The following PHACTR1 variants were observed in gnomAD, a reference collection of about 807,000 sequenced individuals.
PHACTR1 encodes phosphatase and actin regulator 1, also known as RPEL repeat containing 1.
PHACTR1 carries 16 observed loss-of-function variants against 69.2 expected under a neutral mutation model. The observed-to-expected ratio is 0.23, with a 90% CI of 0.16 to 0.35. The LOEUF (loss-of-function observed/expected upper bound fraction) is 0.35. Among genes scored for constraint, PHACTR1 ranks in the 10% least tolerant of loss-of-function variants. The pLI is 1.00. For missense variants in PHACTR1, 510 were observed against 734.7 expected, an observed-to-expected ratio of 0.69 and a Z score of 3.54; for synonymous variants, 312 against 284.5, an observed-to-expected ratio of 1.10 and a Z score of -0.97.
At chr6:13,157,947 A>G (rs1259097527) in intron 5 of PHACTR1, among the ~76,000 whole-genome samples, 3 of 151,854 alleles carry the variant, frequency 2.0e-5, no homozygotes, top group South Asian at 4.2e-4. Flanking sequence ...CAGTGGCACA[A>G]TCTCGCTCAC....
At chr6:13,024,259 C>T (rs1428099171) in intron 4 of PHACTR1, among the ~76,000 whole-genome samples, 1 of 152,128 alleles carries the variant, frequency 6.6e-6, no homozygotes, top group Admixed American at 6.5e-5. Context: ...AGGGACCATC[C>T]CTCTCTGACA....
At chr6:13,175,768 G>A (rs918105622) in intron 6 of PHACTR1, among the ~76,000 whole-genome samples, 3 of 152,284 alleles carry the variant, frequency 2.0e-5, no homozygotes, top group Middle Eastern at 3.4e-3. Flanking sequence ...ACCATCTTCT[G>A]TCTCTGAGTT....
chr6:12,829,800 C>CA (rs35717093), intron 4 of PHACTR1, among the ~76,000 whole-genome samples: 15,736 of 138,398 alleles, frequency 0.11, 879 homozygotes, highest in Middle Eastern at 0.14. Context: ...ACTAAAAATA[C>CA]AAAAAAAAAA....
intron 5 of PHACTR1, among the ~76,000 whole-genome samples, chr6:13,058,855 G>A (rs1020834138): frequency 3.3e-5 from 5 of 152,130 alleles, no homozygotes; most frequent in Admixed American, 6.5e-5. Context: ...GCTGAGTGTC[G>A]TGCGGGTTGA....
chr6:12,967,816 T>C (rs1793676298), intron 4 of PHACTR1, among the ~76,000 whole-genome samples: 1 of 152,244 alleles, frequency 6.6e-6, no homozygotes, highest in African/African-American at 2.4e-5. Context: ...TCACTCCATA[T>C]GTTTCTGATT....
chr6:12,959,583 T>C (rs13194360), intron 4 of PHACTR1, among the ~76,000 whole-genome samples: 35,313 of 152,132 alleles, frequency 0.23, 5,182 homozygotes, highest in African/African-American at 0.41. Flanking sequence ...AAAACACTGC[T>C]TAAATAATTA....
At chr6:12,777,077 T>C (rs1210753633) in intron 4 of PHACTR1, among the ~76,000 whole-genome samples, 1 of 152,170 alleles carries the variant, frequency 6.6e-6, no homozygotes, top group East Asian at 1.9e-4. Context: ...ATAGCATCTA[T>C]GTTTAATATA....
At chr6:12,888,116 G>A (rs968231973) in intron 4 of PHACTR1, among the ~76,000 whole-genome samples, 1 of 150,410 alleles carries the variant, frequency 6.6e-6, no homozygotes, top group Non-Finnish European at 1.5e-5. Flanking sequence ...AGGTCTTTGG[G>A]GAAGTGATTA....
At chr6:13,122,031 C>T (rs1417169096) in intron 5 of PHACTR1, among the ~76,000 whole-genome samples, 1 of 152,018 alleles carries the variant, frequency 6.6e-6, no homozygotes, top group Non-Finnish European at 1.5e-5. Flanking sequence ...TATGACATGC[C>T]ACACATTTAT....
intron 11 of PHACTR1, among the ~76,000 whole-genome samples, chr6:13,276,386 G>A (rs1237676712): frequency 2.6e-5 from 4 of 152,256 alleles, no homozygotes; most frequent in African/African-American, 9.6e-5. Flanking sequence ...ACTTGTGCTA[G>A]TGGGAGGTAT....
chr6:13,175,475 T>G (rs1761197922), intron 6 of PHACTR1, among the ~76,000 whole-genome samples: 1 of 152,190 alleles, frequency 6.6e-6, no homozygotes. Context: ...GCTCTCCCTG[T>G]GCTCTGAGTC....
At chr6:12,895,386 T>C (rs1430194763) in intron 4 of PHACTR1, among the ~76,000 whole-genome samples, 1 of 152,108 alleles carries the variant, frequency 6.6e-6, no homozygotes, top group Non-Finnish European at 1.5e-5. Context: ...TTTTGCCATG[T>C]TGGCCAGGCT....
chr6:12,741,949 G>C (rs1241204689), intron 3 of PHACTR1, among the ~76,000 whole-genome samples: 1 of 152,098 alleles, frequency 6.6e-6, no homozygotes, highest in African/African-American at 2.4e-5. Context: ...ATGTTTTATA[G>C]TTTTTCATGC....
intron 4 of PHACTR1, among the ~76,000 whole-genome samples, chr6:12,925,008 G>A (rs958984447): frequency 6.6e-6 from 1 of 152,056 alleles, no homozygotes; most frequent in Non-Finnish European, 1.5e-5. Flanking sequence ...ATGCCAGCAT[G>A]GATTGTTTTT....
At chr6:13,013,866 C>T (rs1397634591) in intron 4 of PHACTR1, among the ~76,000 whole-genome samples, 1 of 147,612 alleles carries the variant, frequency 6.8e-6, no homozygotes, top group Non-Finnish European at 1.5e-5. Context: ...CAGCGCCCGG[C>T]CCCGGGCGCC....
intron 4 of PHACTR1, among the ~76,000 whole-genome samples, chr6:12,994,319 AT>A (rs779556842): frequency 2.0e-5 from 3 of 152,126 alleles, no homozygotes; most frequent in Non-Finnish European, 2.9e-5. Context: ...AAGAGGTGGG[AT>A]TTTTCCCCCC....
chr6:13,179,445 T>TGTGTG lies in PHACTR1; in HGVS notation c.497-3074_497-3073insGTGTG, dbSNP rs58571739. 1.0e-4 allele frequency among the ~76,000 whole-genome samples: 15 copies of TGTGTG among 148,270 alleles called. No homozygotes were observed. Among genetic ancestry groups the TGTGTG allele is most frequent in the African/African-American group, 2.0e-4 (8 of 40,372 alleles). On this transcript the variant is annotated intron_variant, in intron 6 of 14. Transcript: ENST00000332995. The surrounding 1 kb of genome is among the most constrained non-coding windows in gnomAD (Gnocchi z 4.2). ...GTGTGTGTGTGTGTGTGTGTGTGTG[T>TGTGTG]TTAAAAATGTCATAATAAAAAATTT...
intron 4 of PHACTR1, among the ~76,000 whole-genome samples, chr6:12,848,096 AAAT>A (rs1779464312): frequency 1.3e-5 from 2 of 152,240 alleles, no homozygotes; most frequent in Non-Finnish European, 2.9e-5. Context: ...CATGATAACC[AAAT>A]ATTATCCTTG....
intron 4 of PHACTR1, among the ~76,000 whole-genome samples, chr6:13,011,450 T>C (rs1298402801): frequency 6.6e-6 from 1 of 152,206 alleles, no homozygotes; most frequent in Non-Finnish European, 1.5e-5. Flanking sequence ...TCATACCTTT[T>C]ATACACTTAA....
Sources: gnomAD v4.1 joint callset for allele counts (sites outside exome capture counted in the v4.1 genomes callset) on GRCh38, gnomAD v4.1.1 for gene constraint, Gnocchi (gnomAD v3.1) non-coding constraint, MANE v1.5 for transcripts, NCBI Gene and HGNC (gene_info 2026-07-23, HGNC 2026-07-21) for gene names.